The following PSMC3 variants were observed in gnomAD, a reference collection of about 807,000 sequenced individuals.
PSMC3 encodes the protein proteasome 26S subunit, ATPase 3.
In PSMC3, 11 loss-of-function variants were observed where a neutral mutation model predicts 52.0. The observed-to-expected ratio is 0.21, with a 90% CI of 0.13 to 0.35. PSMC3 has a LOEUF of 0.35. Ranked by LOEUF, PSMC3 falls within the 10% of genes least tolerant of loss-of-function variation. The pLI is 1.00. For missense variants in PSMC3, 238 were observed against 567.1 expected (o/e 0.42, Z 5.89); for synonymous variants, 201 against 218.8 (o/e 0.92, Z 0.72).
chr11:47,420,073 G>A lies in PSMC3; in HGVS notation c.1127+191C>T, dbSNP rs555771982. 2.0e-5 allele frequency among the ~76,000 whole-genome samples: 3 copies of A among 152,316 alleles called. No individual in the cohort carries two copies. The East Asian group carries it at 5.8e-4, about 29-fold the overall frequency. On this transcript the variant is annotated intron_variant, in intron 10 of 11. Transcript: ENST00000298852. ...AGCAGAGCACCCAGAATTACGACAT[G>A]GGCCCTGGCAAGACGCTACATCACA...
At chr11:47,425,693 G>C in intron 2 of PSMC3, 174 bp downstream of exon 2, 2 of 594,350 alleles carry the variant, frequency 3.4e-6, no homozygotes, top group East Asian at 2.9e-5. Context: ...CCCCCTACCT[G>C]TCTTCTTGTC....
chr11:47,424,988 G>C lies in PSMC3; in HGVS notation c.285+133C>G, dbSNP rs929422187. On this transcript the variant is annotated intron_variant, in intron 3 of 11. Transcript: ENST00000298852. The surrounding 1 kb of genome is among the most constrained non-coding windows in gnomAD (Gnocchi z 4.8). Reference sequence around the variant, plus strand: ...TGCAGGCCCCGTCTTCCCCATGAAAGTGCCCCAGGAGGTGTAGCTCTGACA... The same window carrying C: ...TGCAGGCCCCGTCTTCCCCATGAAACTGCCCCAGGAGGTGTAGCTCTGACA... 7.5e-7 allele frequency: 1 copy of C among 1,342,230 alleles called. No homozygotes were observed. Among genetic ancestry groups the C allele is most frequent in the Admixed American group, 2.0e-5 (1 of 51,012 alleles). The allele number at this position is 1,342,230 out of a possible 1,614,324, so 83.1% of individuals were successfully genotyped here. A position where few individuals can be genotyped will look rare whatever the true frequency, so the allele number is the denominator to read the frequency against.
rs757442097 is a variant in PSMC3, at chr11:47,422,730, G to A, written c.736-8C>T. 6.2e-7 allele frequency: 1 copy of A among 1,614,140 alleles called. No individual in the cohort carries two copies. Among genetic ancestry groups the A allele is most frequent in the African/African-American group, 1.3e-5 (1 of 75,052 alleles). On this transcript the variant is annotated splice_polypyrimidine_tract_variant and splice_region_variant and intron_variant, in intron 7 of 11. Transcript: ENST00000298852. This position sits in a 1 kb window ranked among gnomAD's most constrained non-coding sequence, Gnocchi z 4.3. Reference sequence around the variant, plus strand: ...CAGCTTTAGGAAGGTGGCCTGGCAGGAAAAGGTGGTAGAGTCAGGTCAAAG... The same window carrying A: ...CAGCTTTAGGAAGGTGGCCTGGCAGAAAAAGGTGGTAGAGTCAGGTCAAAG...
Position 47,424,601 on chromosome 11 carries a change from G to T in PSMC3, c.390+6C>A, listed in dbSNP as rs201803734. ...CTCCAGTCTCTCATTGCTGAGCCACGCTCACCTGTCGTGTAGAGGTTTTGA... is the reference window on the plus strand; with the variant it reads ...CTCCAGTCTCTCATTGCTGAGCCACTCTCACCTGTCGTGTAGAGGTTTTGA... On this transcript the variant is annotated splice_donor_region_variant and intron_variant, in intron 4 of 11. Coordinates refer to ENST00000298852, the MANE Select transcript of PSMC3 (RefSeq NM_002804.5). The surrounding 1 kb of genome is among the most constrained non-coding windows in gnomAD (Gnocchi z 4.8). 3.1e-6 allele frequency: 5 copies of T among 1,611,214 alleles called. No individual in the cohort carries two copies. The Admixed American group carries it at 8.3e-5, about 27-fold the overall frequency.
At chr11:47,425,075 C>G (rs1565676796) in intron 3 of PSMC3, 46 bp downstream of exon 3, 1 of 1,613,078 alleles carries the variant, frequency 6.2e-7, no homozygotes. Context: ...CAGGCTGTCC[C>G]CATTCCCTGC....
Position 47,424,196 on chromosome 11 carries a change from C to T in PSMC3, c.454-13G>A. Reference sequence around the variant, plus strand: ...CTTTGTTCACACCCTAAGGACACAGCACAGGGCCTTCAGATTTGGCCCAGC... The same window carrying T: ...CTTTGTTCACACCCTAAGGACACAGTACAGGGCCTTCAGATTTGGCCCAGC... On this transcript the variant is annotated splice_polypyrimidine_tract_variant and intron_variant, in intron 5 of 11. Coordinates refer to ENST00000298852, the MANE Select transcript of PSMC3 (RefSeq NM_002804.5). This position sits in a 1 kb window ranked among gnomAD's most constrained non-coding sequence, Gnocchi z 4.8. 1 of 1,614,212 alleles carries T rather than the reference C, an allele frequency of 6.2e-7. No individual in the cohort carries two copies.
intron 6 of PSMC3, among the ~76,000 whole-genome samples, chr11:47,423,481 T>C (rs1302886865): frequency 6.6e-6 from 1 of 151,150 alleles, no homozygotes; most frequent in Non-Finnish European, 1.5e-5. Flanking sequence ...CGGGAGTATA[T>C]GGCAGAAAAG....
chr11:47,419,675 A>T lies in PSMC3; in HGVS notation c.1128-478T>A, dbSNP rs71475912. On this transcript the variant is annotated intron_variant, in intron 10 of 11. Transcript: ENST00000298852. Reference sequence around the variant, plus strand: ...GAAATCAAGACCATTCTGGCTAACAAGGTGAAACCTCGTCTCTACTAAAAA... The same window carrying T: ...GAAATCAAGACCATTCTGGCTAACATGGTGAAACCTCGTCTCTACTAAAAA... Among the ~76,000 whole-genome samples, 61 of 152,136 alleles carry T rather than the reference A, an allele frequency of 4.0e-4. 2 individuals are homozygous for T. Among genetic ancestry groups the T allele is most frequent in the East Asian group, 3.3e-3 (17 of 5,180 alleles).
intron 11 of PSMC3, 61 bp downstream of exon 11, chr11:47,419,055 C>T: frequency 6.2e-7 from 1 of 1,610,730 alleles, no homozygotes; most frequent in Non-Finnish European, 8.5e-7. Context: ...ATGCCCCCAT[C>T]CTGTCCAGGG....
At chr11:47,420,182 G>A (rs1565674959) in intron 10 of PSMC3, 82 bp downstream of exon 10, 1 of 1,532,460 alleles carries the variant, frequency 6.5e-7, no homozygotes, top group Non-Finnish European at 9.0e-7. Flanking sequence ...GGAGGCTGGG[G>A]AAGATCAGTA....
chr11:47,419,261 T>C, intron 10 of PSMC3, 64 bp from the exon 11 acceptor site: 2 of 1,547,044 alleles, frequency 1.3e-6, no homozygotes. Context: ...GGGCCAAATA[T>C]CCTCCCCTGG....
chr11:47,426,024 T>A, intron 1 of PSMC3, 74 bp from the exon 2 acceptor site: 1 of 1,471,904 alleles, frequency 6.8e-7, no homozygotes, highest in Non-Finnish European at 9.4e-7. Context: ...CCGAACCCAC[T>A]CACAGCCTCA....
chr11:47,423,842 G>T (rs1415148101), intron 6 of PSMC3, among the ~76,000 whole-genome samples: 1 of 150,444 alleles, frequency 6.6e-6, no homozygotes, highest in Non-Finnish European at 1.5e-5. Context: ...CTGGGCTCCA[G>T]TCCTGGCTCT....
chr11:47,425,894 G>C lies in PSMC3; in HGVS notation c.132C>G (p.Arg44=). 1 of 1,614,038 alleles carries C rather than the reference G, an allele frequency of 6.2e-7. No homozygotes were observed. The highest frequency in any genetic ancestry group is 8.5e-7 in the Non-Finnish European group (1 of 1,179,882). Residue 44 remains arginine (R), a synonymous_variant, in exon 2 of 12, where the codon CGC becomes CGG. Transcript: ENST00000298852. ...TGATCTCACTGTCCAGCAGCCGTGTGCGCTGGATGATCTCCTCCGTGGACA... is the reference window on the plus strand; with the variant it reads ...TGATCTCACTGTCCAGCAGCCGTGTCCGCTGGATGATCTCCTCCGTGGACA... ...LKMSTEEIIQ[R]TRLLDSEIKI... is the part of the protein sequence containing the mutation.
chr11:47,420,248 C>T lies in PSMC3; in HGVS notation c.1127+16G>A. 6.2e-7 allele frequency: 1 copy of T among 1,613,790 alleles called. No homozygotes were observed. ...GCCTGTTCAGGTCTCTGTGCCCTGC[C>T]CGTGCTCCTGCTCACCTGACATTCA... On this transcript the variant is annotated intron_variant, in intron 10 of 11. Transcript: ENST00000298852.
chr11:47,424,345 T>C lies in PSMC3; in HGVS notation c.453+84A>G. 2 of 1,570,074 alleles carry C rather than the reference T, an allele frequency of 1.3e-6. No individual in the cohort carries two copies. Among genetic ancestry groups the C allele is most frequent in the Non-Finnish European group, 8.8e-7 (1 of 1,141,154 alleles). ...GACTCTCGGAGCTGTTCTGCCAAGA[T>C]TCAGAGCCAACAGTGACCTGGGGCG... On this transcript the variant is annotated intron_variant, in intron 5 of 11. Transcript: ENST00000298852. The surrounding 1 kb of genome is among the most constrained non-coding windows in gnomAD (Gnocchi z 4.8).
chr11:47,425,023 G>T, intron 3 of PSMC3, 98 bp downstream of exon 3: 1 of 1,538,194 alleles, frequency 6.5e-7, no homozygotes, highest in Non-Finnish European at 8.9e-7. Flanking sequence ...ATGCAGTTTG[G>T]CCTCAATACC....
Position 47,422,909 on chromosome 11 carries a change from G to A in PSMC3, c.656C>T (p.Pro219Leu), listed in dbSNP as rs758498353. 1 of 1,613,948 alleles carries A rather than the reference G, an allele frequency of 6.2e-7. No homozygotes were observed. Among genetic ancestry groups the A allele is most frequent in the Non-Finnish European group, 8.5e-7 (1 of 1,179,960 alleles). ...CCCATACATCAGCACCCCTTTTGGA[G>A]GTTGGATCCCCAAGTTCTCAAACTT... ...KEKFENLGIQ[P>L]PKGVLMYGPP... The change falls in exon 7 of 12, where the codon CCT becomes CTT. Residue 219 changes from proline (P) to leucine (L), a missense_variant. By Grantham distance (98) the Pro-to-Leu change is moderately conservative. Around this residue, in one of 6 missense-constraint regions of PSMC3, gnomAD observed 60 missense variants for 117.3 expected, o/e 0.51. Transcript: ENST00000298852. The surrounding 1 kb of genome is among the most constrained non-coding windows in gnomAD (Gnocchi z 4.3).
At chr11:47,423,408 A>G (rs1432928529) in intron 6 of PSMC3, among the ~76,000 whole-genome samples, 19 of 151,608 alleles carry the variant, frequency 1.3e-4, no homozygotes, top group Non-Finnish European at 2.7e-4. Context: ...CCGTCACAAA[A>G]AAAAAAAAAA....
Sources: allele counts gnomAD v4.1 joint callset (sites outside exome capture counted in the v4.1 genomes callset), GRCh38; gene constraint gnomAD v4.1.1; regional missense constraint gnomAD v4.1.1; non-coding constraint Gnocchi (gnomAD v3.1); transcripts MANE v1.5; gene names NCBI Gene and HGNC (gene_info 2026-07-23, HGNC 2026-07-21).